The following PLXDC2 variants were observed in gnomAD, a reference collection of about 807,000 sequenced individuals.
PLXDC2 encodes plexin domain containing 2.
Under a neutral mutation model 68.9 loss-of-function variants are expected in PLXDC2, and 40 were observed. The observed-to-expected ratio is 0.58, with a 90% CI of 0.45 to 0.76. The LOEUF (loss-of-function observed/expected upper bound fraction) is 0.76, where lower values mean the gene tolerates loss of function less well. PLXDC2 is among the 30% of genes least tolerant of loss of function. PLXDC2 has a pLI of 0.00. For synonymous variants in PLXDC2, 243 were observed against 234.2 expected (o/e 1.04, Z -0.34); for missense variants, 644 against 661.9 (o/e 0.97, Z 0.30).
At position 20,207,715 on chromosome 10, in the gene PLXDC2, T is replaced by C. The variant is rs375934223; in HGVS notation, c.1062-3954T>C. ...ATAGACTCCACACATCAAAATCTCA[T>C]TGGGTAAGCAGAGATGGCCTTGACC... On this transcript the variant is annotated intron_variant, in intron 9 of 13. Coordinates refer to ENST00000377252, the MANE Select transcript of PLXDC2 (RefSeq NM_032812.9). 1.6e-4 allele frequency among the ~76,000 whole-genome samples: 25 copies of C among 152,242 alleles called. No homozygotes were observed. In the Middle Eastern group the frequency reaches 0.01, roughly 63 times the overall value.
At chr10:20,179,041 C>G (rs890812130) in intron 9 of PLXDC2, among the ~76,000 whole-genome samples, 2 of 152,010 alleles carry the variant, frequency 1.3e-5, no homozygotes, top group Non-Finnish European at 2.9e-5. Context: ...TAGATAACGA[C>G]ATAAGGGAAT....
intron 13 of PLXDC2, among the ~76,000 whole-genome samples, chr10:20,259,018 AAAAAG>A (rs985961372): frequency 2.0e-5 from 3 of 151,764 alleles, no homozygotes; most frequent in Admixed American, 6.6e-5. Flanking sequence ...AAAAAAAAAA[AAAAAG>A]AAAAGAAAGG....
chr10:20,160,999 A>G (rs1834283317), intron 6 of PLXDC2, among the ~76,000 whole-genome samples: 1 of 152,152 alleles, frequency 6.6e-6, no homozygotes, highest in Non-Finnish European at 1.5e-5. Context: ...TTAAAAATAG[A>G]TACTTATCTG....
Position 20,164,370 on chromosome 10 carries a change from C to G in PLXDC2, c.784-98C>G. ...TCCCTTTCTAGTCTTTTATCTCCTTCCCATGGTTTTGTCCATGAAACAAGA... is the reference window on the plus strand; with the variant it reads ...TCCCTTTCTAGTCTTTTATCTCCTTGCCATGGTTTTGTCCATGAAACAAGA... On this transcript the variant is annotated intron_variant, in intron 6 of 13. Coordinates refer to ENST00000377252, the MANE Select transcript of PLXDC2 (RefSeq NM_032812.9). 22 of 985,324 alleles carry G rather than the reference C, an allele frequency of 2.2e-5. No homozygotes were observed. The South Asian group carries it at 3.1e-4, about 14-fold the overall frequency. The allele number at this position is 985,324 out of a possible 1,614,324, so 61.0% of individuals were successfully genotyped here. A position where few individuals can be genotyped will look rare whatever the true frequency, so the allele number is the denominator to read the frequency against.
intron 1 of PLXDC2, among the ~76,000 whole-genome samples, chr10:19,913,499 G>A (rs765783925): frequency 1.3e-5 from 2 of 152,102 alleles, no homozygotes; most frequent in Non-Finnish European, 2.9e-5. Flanking sequence ...TCCTATTAGT[G>A]CATTGCTGAT....
intron 1 of PLXDC2, among the ~76,000 whole-genome samples, chr10:19,948,845 T>C (rs977295481): frequency 5.3e-5 from 8 of 152,110 alleles, no homozygotes; most frequent in Non-Finnish European, 8.8e-5. Context: ...AATAAGTGCA[T>C]TAGAATAGAC....
chr10:19,915,151 C>A (rs901097683), intron 1 of PLXDC2, among the ~76,000 whole-genome samples: 7 of 152,062 alleles, frequency 4.6e-5, no homozygotes, highest in Non-Finnish European at 1.0e-4. Flanking sequence ...CTCAACTCTG[C>A]CATTTTAATA....
At chr10:19,962,698 T>C (rs1432628522) in intron 1 of PLXDC2, among the ~76,000 whole-genome samples, 1 of 147,556 alleles carries the variant, frequency 6.8e-6, no homozygotes, top group East Asian at 2.1e-4. Context: ...CTCAGCCATC[T>C]TTACTTATAA....
chr10:19,986,562 AAGACAT>A (rs1447171774), intron 1 of PLXDC2, among the ~76,000 whole-genome samples: 7 of 125,270 alleles, frequency 5.6e-5, no homozygotes, highest in East Asian at 2.4e-4. Context: ...GAAAAAGAAA[AAGACAT>A]ACAAAAAGAA....
chr10:20,188,529 G>T (rs1196291642), intron 9 of PLXDC2, among the ~76,000 whole-genome samples: 1 of 151,642 alleles, frequency 6.6e-6, no homozygotes, highest in Non-Finnish European at 1.5e-5. Context: ...CCTTTTTGGG[G>T]AATGCTGAGG....
intron 1 of PLXDC2, among the ~76,000 whole-genome samples, chr10:19,930,571 A>G (rs1313323096): frequency 1.3e-5 from 2 of 152,206 alleles, no homozygotes; most frequent in African/African-American, 4.8e-5. Context: ...CTCTGTGATA[A>G]ACAGAAGGGT....
intron 1 of PLXDC2, among the ~76,000 whole-genome samples, chr10:19,910,168 T>TA (rs1833240290): frequency 6.9e-6 from 1 of 145,210 alleles, no homozygotes; most frequent in Non-Finnish European, 1.5e-5. Context: ...TTGTACACTT[T>TA]TATATATATA....
chr10:20,014,945 ATGGC>A (rs1421100684), intron 2 of PLXDC2, among the ~76,000 whole-genome samples: 1 of 152,176 alleles, frequency 6.6e-6, no homozygotes, highest in African/African-American at 2.4e-5. Flanking sequence ...TAAATGGTAA[ATGGC>A]TGTGGCACTG....
intron 13 of PLXDC2, among the ~76,000 whole-genome samples, chr10:20,256,425 AC>A (rs1252127952): frequency 7.3e-6 from 1 of 137,814 alleles, no homozygotes; most frequent in East Asian, 2.1e-4. Flanking sequence ...GAGCCACCAC[AC>A]CAGGCCCCCC....
rs1381900962 is a variant in PLXDC2 at position 20,249,831 on chromosome 10, G to C, written c.1473+4326G>C. On this transcript the variant is annotated intron_variant, in intron 13 of 13. Transcript: ENST00000377252. ...TCCAATTAAACTCTAACACACCCTT[G>C]ACTGCAAGATATGTCCCAGTTTCAA... is the stretch of plus-strand genomic sequence containing the variant. 2.6e-5 allele frequency among the ~76,000 whole-genome samples: 4 copies of C among 152,082 alleles called. No individual in the cohort carries two copies. The East Asian group carries it at 7.7e-4, about 29-fold the overall frequency.
At chr10:20,016,175 A>G (rs1234634490) in intron 2 of PLXDC2, among the ~76,000 whole-genome samples, 1 of 152,220 alleles carries the variant, frequency 6.6e-6, no homozygotes, top group Non-Finnish European at 1.5e-5. Context: ...TCCTTGAGAA[A>G]AGAAACAATT....
intron 9 of PLXDC2, among the ~76,000 whole-genome samples, chr10:20,181,846 A>G (rs1282789999): frequency 6.6e-6 from 1 of 151,994 alleles, no homozygotes; most frequent in Non-Finnish European, 1.5e-5. Context: ...ATGTGATTTT[A>G]CCATATTAAA....
intron 2 of PLXDC2, among the ~76,000 whole-genome samples, chr10:20,041,596 TACA>T (rs1215092304): frequency 6.6e-6 from 1 of 152,224 alleles, no homozygotes; most frequent in African/African-American, 2.4e-5. Flanking sequence ...AATTGTTTTC[TACA>T]ACAACTACGT....
At chr10:20,075,623 G>A (rs1445796869) in intron 4 of PLXDC2, among the ~76,000 whole-genome samples, 1 of 152,162 alleles carries the variant, frequency 6.6e-6, no homozygotes, top group Non-Finnish European at 1.5e-5. Context: ...AATTAAGCCA[G>A]TAGGAGACCC....
Sources: allele counts gnomAD v4.1 joint callset (sites outside exome capture counted in the v4.1 genomes callset), GRCh38; gene constraint gnomAD v4.1.1; transcripts MANE v1.5; gene names NCBI Gene and HGNC (gene_info 2026-07-23, HGNC 2026-07-21).